The following AGO1 variants were observed in gnomAD, a reference collection of about 807,000 sequenced individuals.
AGO1 encodes the protein protein argonaute-1.
A neutral mutation model predicts 109.2 loss-of-function variants in AGO1; 11 were observed. The observed-to-expected ratio is 0.10, with a 90% CI of 0.06 to 0.17. The LOEUF (loss-of-function observed/expected upper bound fraction) is 0.17, where lower values mean the gene tolerates loss of function less well. AGO1 is among the 10% of genes least tolerant of loss of function. The probability of loss-of-function intolerance (pLI) is 1.00; values close to 1 mark genes in which losing one functional copy is unlikely to be tolerated. For synonymous variants in AGO1, 422 were observed against 418.6 expected (o/e 1.01, Z -0.10); for missense variants, 574 against 1,140.3 (o/e 0.50, Z 7.15).
chr1:35,908,874 A>C (rs190325289), intron 12 of AGO1, among the ~76,000 whole-genome samples: 2 of 140,146 alleles, frequency 1.4e-5, no homozygotes, highest in East Asian at 4.1e-4. Context: ...GCTGGAGTGC[A>C]GTGGCGTGAT....
At chr1:35,913,774 C>A in intron 12 of AGO1, 68 bp from the exon 13 acceptor site, 1 of 1,529,706 alleles carries the variant, frequency 6.5e-7, no homozygotes, top group South Asian at 1.2e-5. Context: ...TCATACACTG[C>A]CTGGCATCTA....
intron 8 of AGO1, among the ~76,000 whole-genome samples, chr1:35,896,717 T>C (rs1470466606): frequency 1.3e-5 from 2 of 152,172 alleles, no homozygotes; most frequent in African/African-American, 4.8e-5. Context: ...GCTCTAGTCT[T>C]CTGGTGAGCT....
chr1:35,883,369 C>A lies in AGO1; in HGVS notation c.-53C>A. The A allele has an allele frequency of 6.3e-7, 1 of 1,582,414 alleles. No homozygotes were observed. The highest frequency in any genetic ancestry group is 1.1e-5 in the South Asian group (1 of 88,646). On this transcript the variant is annotated 5_prime_UTR_variant, in exon 1 of 19. Coordinates refer to ENST00000373204, the MANE Select transcript of AGO1 (RefSeq NM_012199.5). This position sits in a 1 kb window ranked among gnomAD's most constrained non-coding sequence, Gnocchi z 5.4. Reference sequence around the variant, plus strand: ...GAGAGTGTGGGGTACCTAGGCCCCTCACGCTGGACTTCACAGTCTCCGGGC... The same window carrying A: ...GAGAGTGTGGGGTACCTAGGCCCCTAACGCTGGACTTCACAGTCTCCGGGC...
chr1:35,875,252 T>G (rs1409315162), intron 1 of AGO1, among the ~76,000 whole-genome samples: 4 of 152,224 alleles, frequency 2.6e-5, no homozygotes, highest in African/African-American at 9.6e-5. Context: ...TAGGGTCTAA[T>G]GTAGCTGGTG....
In AGO1 at chr1:35,893,573, C is replaced by G; in HGVS notation, c.513-101C>G. ...AAGCATCAGAGCTGGCATTAAAGCC[C>G]CGGTGTCCTGCCTTTCAGGCCAGGG... On this transcript the variant is annotated intron_variant, in intron 4 of 18. Transcript: ENST00000373204. The surrounding 1 kb of genome is among the most constrained non-coding windows in gnomAD (Gnocchi z 5.6). 1 of 1,280,140 alleles carries G rather than the reference C, an allele frequency of 7.8e-7. No homozygotes were observed. Among genetic ancestry groups the G allele is most frequent in the African/African-American group, 1.5e-5 (1 of 66,996 alleles). 79.3% of individuals were successfully genotyped at this position (1,280,140 alleles called of 1,614,324 possible).
In AGO1 at chr1:35,883,213, G is replaced by A; in HGVS notation, c.-209G>A. On this transcript the variant is annotated 5_prime_UTR_variant, in exon 1 of 19. Transcript: ENST00000373204. The surrounding 1 kb of genome is among the most constrained non-coding windows in gnomAD (Gnocchi z 5.4). ...GCCCGGCGGTCGCGCCTGCGCACTGGCAGCTGGCCGGGCGCTCGCAGTGGG... is the reference window on the plus strand; with the variant it reads ...GCCCGGCGGTCGCGCCTGCGCACTGACAGCTGGCCGGGCGCTCGCAGTGGG... 8.3e-7 allele frequency: 1 copy of A among 1,206,788 alleles called. No individual in the cohort carries two copies. The allele number at this position is 1,206,788 out of a possible 1,614,324, so 74.8% of individuals were successfully genotyped here.
chr1:35,870,059 T>G (rs1034123951), intron 1 of AGO1, among the ~76,000 whole-genome samples: 2 of 152,050 alleles, frequency 1.3e-5, no homozygotes, highest in East Asian at 3.8e-4. Context: ...TAATTTTTTT[T>G]CCTGTCAGCC....
rs940532997 is a variant in AGO1, at chr1:35,883,659, A to G, written c.25+213A>G. On this transcript the variant is annotated intron_variant, in intron 1 of 18. Coordinates refer to ENST00000373204, the MANE Select transcript of AGO1 (RefSeq NM_012199.5). The surrounding 1 kb of genome is among the most constrained non-coding windows in gnomAD (Gnocchi z 5.4). ...GGGGCTGTTTGTCCAAGGAGGCTGT[A>G]TACAGTCCTGCGGGTTGGAAGTAAT... Among the ~76,000 whole-genome samples, 1 of 152,184 alleles carries G rather than the reference A, an allele frequency of 6.6e-6. No individual in the cohort carries two copies. The highest frequency in any genetic ancestry group is 1.5e-5 in the Non-Finnish European group (1 of 68,028).
At chr1:35,896,821 C>T (rs1645328991) in intron 8 of AGO1, among the ~76,000 whole-genome samples, 1 of 152,200 alleles carries the variant, frequency 6.6e-6, no homozygotes, top group South Asian at 2.1e-4. Context: ...GCTACTGATG[C>T]ACATGAAGGC....
At chr1:35,910,671 G>A (rs72661617) in intron 12 of AGO1, among the ~76,000 whole-genome samples, 2,532 of 152,232 alleles carry the variant, frequency 0.017, 39 homozygotes, top group Non-Finnish European at 0.024. Context: ...TAAAGTTGTG[G>A]TTTGTTATAG....
chr1:35,896,756 G>A (rs527879965), intron 8 of AGO1, among the ~76,000 whole-genome samples: 41 of 152,300 alleles, frequency 2.7e-4, no homozygotes, highest in African/African-American at 8.4e-4. Context: ...ACCTGAGGGA[G>A]TTAGGCTGAA....
chr1:35,902,109 TG>T (rs1166509598), intron 10 of AGO1, 39 bp downstream of exon 10: 1 of 1,584,850 alleles, frequency 6.3e-7, no homozygotes, highest in African/African-American at 1.3e-5. Flanking sequence ...TCGGGGCATA[TG>T]GGGGTGGTTG....
chr1:35,895,004 C>T lies in AGO1; in HGVS notation c.873-118C>T, dbSNP rs1330704261. ...CAAAGTCTGGGACTTCCTTCCTGCA[C>T]ATCATATTGGGGCCAAATGAAAAAG... On this transcript the variant is annotated intron_variant, in intron 7 of 18. Transcript: ENST00000373204. 5 of 1,247,932 alleles carry T rather than the reference C, an allele frequency of 4.0e-6. No homozygotes were observed. The East Asian group carries it at 7.9e-5, about 20-fold the overall frequency. 77.3% of individuals were successfully genotyped at this position (1,247,932 alleles called of 1,614,324 possible). A position where few individuals can be genotyped will look rare whatever the true frequency, so the allele number is the denominator to read the frequency against.
At chr1:35,911,132 A>T (rs1645625553) in intron 12 of AGO1, among the ~76,000 whole-genome samples, 2 of 152,220 alleles carry the variant, frequency 1.3e-5, no homozygotes, top group Admixed American at 1.3e-4. Context: ...GAACATGTAT[A>T]ACCATTTTTC....
At chr1:35,891,215 G>A (rs977733311) in intron 2 of AGO1, among the ~76,000 whole-genome samples, 2 of 152,210 alleles carry the variant, frequency 1.3e-5, no homozygotes, top group African/African-American at 4.8e-5. Context: ...TGCTTCTAAT[G>A]TACCATTTTG....
Position 35,919,892 on chromosome 1 carries a change from C to T in AGO1, c.*285C>T. 1 of 397,458 alleles carries T rather than the reference C, an allele frequency of 2.5e-6. No individual in the cohort carries two copies. Among genetic ancestry groups the T allele is most frequent in the East Asian group, 4.1e-5 (1 of 24,424 alleles). The allele number at this position is 397,458 out of a possible 1,614,324, so 24.6% of individuals were successfully genotyped here. On this transcript the variant is annotated 3_prime_UTR_variant, in exon 19 of 19. Transcript: ENST00000373204. The surrounding 1 kb of genome is among the most constrained non-coding windows in gnomAD (Gnocchi z 6.6). ...CCAAAAGGGGCAGCACTGGTGCCCA[C>T]CATACACACAGGTGTCTCATGTGAC...
In AGO1 at chr1:35,930,348, G is replaced by C. The variant is rs1274083950; in HGVS notation, c.*10741G>C. 1 of 152,222 alleles carries C rather than the reference G, an allele frequency of 6.6e-6. No homozygotes were observed. Among genetic ancestry groups the C allele is most frequent in the African/African-American group, 2.4e-5 (1 of 41,440 alleles). The allele number at this position is 152,222 out of a possible 1,614,324, so 9.4% of individuals were successfully genotyped here. A position where few individuals can be genotyped will look rare whatever the true frequency, so the allele number is the denominator to read the frequency against. On this transcript the variant is annotated 3_prime_UTR_variant, in exon 19 of 19. Transcript: ENST00000373204. ...AAGAGAGAGAGGGTTCCTGGCCAAGGGAACCAAAAGCAGAGAAGCTCCAAG... is the reference window on the plus strand; with the variant it reads ...AAGAGAGAGAGGGTTCCTGGCCAAGCGAACCAAAAGCAGAGAAGCTCCAAG...
In AGO1 at chr1:35,895,263, C is replaced by G. The variant is rs149082767; in HGVS notation, c.1014C>G (p.Pro338=). ...AGGAACAAAAGCATACCTACCTTCC[C>G]CTAGAGGTGAGATTGCCAAGTAATG... ...VGQEQKHTYL[P]LEVCNIVAGQ... is the part of the protein sequence containing the mutation. Residue 338 remains proline, a synonymous_variant, in exon 8 of 19, where the codon CCC becomes CCG. Transcript: ENST00000373204. The G allele has an allele frequency of 4.8e-5, 78 of 1,612,642 alleles. No homozygotes were observed. In the African/African-American group the frequency reaches 1.0e-3, roughly 21 times the overall value.
At position 35,888,325 on chromosome 1, in the gene AGO1, C is replaced by A; in HGVS notation, c.26-102C>A. 8.0e-7 allele frequency: 1 copy of A among 1,248,234 alleles called. No individual in the cohort carries two copies. The highest frequency in any genetic ancestry group is 1.1e-6 in the Non-Finnish European group (1 of 884,344). The allele number at this position is 1,248,234 out of a possible 1,614,324, so 77.3% of individuals were successfully genotyped here. A position where few individuals can be genotyped will look rare whatever the true frequency, so the allele number is the denominator to read the frequency against. ...TTGGGTAGCAGGAAAGAGGCATTCT[C>A]TATACTCTCGTGTTCCTGTTCTGGG... On this transcript the variant is annotated intron_variant, in intron 1 of 18. Coordinates refer to ENST00000373204, the MANE Select transcript of AGO1 (RefSeq NM_012199.5). The surrounding 1 kb of genome is among the most constrained non-coding windows in gnomAD (Gnocchi z 4.1).
Sources: gnomAD v4.1 joint callset for allele counts (sites outside exome capture counted in the v4.1 genomes callset) on GRCh38, gnomAD v4.1.1 for gene constraint, Gnocchi (gnomAD v3.1) non-coding constraint, MANE v1.5 for transcripts, NCBI Gene and HGNC (gene_info 2026-07-23, HGNC 2026-07-21) for gene names.